CALN1: variants seen among roughly 807,000 people sequenced by gnomAD.
CALN1 encodes the protein calneuron 1, also known as calcium-binding protein 8.
In CALN1, 17 loss-of-function variants were observed where a neutral mutation model predicts 30.6. The observed-to-expected ratio is 0.56, with a 90% CI of 0.38 to 0.83. The LOEUF (loss-of-function observed/expected upper bound fraction) is 0.83, where lower values mean the gene tolerates loss of function less well. Among genes scored for constraint, CALN1 ranks in the 40% least tolerant of loss-of-function variants. The pLI is 0.00. For missense variants in CALN1, 291 were observed against 354.9 expected (o/e 0.82, Z 1.45); for synonymous variants, 156 against 131.4 (o/e 1.19, Z -1.28).
At chr7:72,123,447 C>T (rs1319232851) in intron 3 of CALN1, among the ~76,000 whole-genome samples, 2 of 152,174 alleles carry the variant, frequency 1.3e-5, no homozygotes, top group South Asian at 2.1e-4. Flanking sequence ...CAACCTTGTC[C>T]TTCCTGTCAT....
At chr7:72,344,559 T>C (rs1802528114) in intron 2 of CALN1, among the ~76,000 whole-genome samples, 1 of 147,570 alleles carries the variant, frequency 6.8e-6, no homozygotes, top group East Asian at 1.9e-4. Context: ...GATAAATATA[T>C]ATATATATTT....
intron 4 of CALN1, among the ~76,000 whole-genome samples, chr7:72,097,702 AT>A (rs374108880): frequency 0.25 from 36,743 of 149,818 alleles, 5,406 homozygotes; most frequent in East Asian, 0.69. Context: ...TTTTTTGACT[AT>A]TTTTTTTTCT....
chr7:72,126,059 A>T (rs1462499549), intron 3 of CALN1, among the ~76,000 whole-genome samples: 1 of 152,010 alleles, frequency 6.6e-6, no homozygotes, highest in African/African-American at 2.4e-5. Context: ...TCGGCCTCCC[A>T]AAGTGCTGGG....
intron 3 of CALN1, among the ~76,000 whole-genome samples, chr7:72,263,235 T>C (rs1405894607): frequency 1.3e-5 from 2 of 152,204 alleles, no homozygotes; most frequent in Non-Finnish European, 2.9e-5. Flanking sequence ...GGAACAATAA[T>C]AGGAATAGTA....
rs148648989 is a variant in CALN1 at position 71,848,127 on chromosome 7, G to A, written c.502-37635C>T. 3.9e-5 allele frequency among the ~76,000 whole-genome samples: 6 copies of A among 152,314 alleles called. No homozygotes were observed. The East Asian group carries it at 9.7e-4, about 25-fold the overall frequency. On this transcript the variant is annotated intron_variant, in intron 5 of 6. Transcript: ENST00000395275. Reference sequence around the variant, plus strand: ...ATTCACCATTGCAGAAGTGAAACTGGTTATAAGAAAGCACCCTGGGAGAAT... The same window carrying A: ...ATTCACCATTGCAGAAGTGAAACTGATTATAAGAAAGCACCCTGGGAGAAT...
chr7:71,812,969 G>T (rs1788052615), intron 5 of CALN1, among the ~76,000 whole-genome samples: 1 of 120,280 alleles, frequency 8.3e-6, no homozygotes, highest in South Asian at 2.6e-4. Context: ...TATTATTTGA[G>T]ATGGAGTCTT....
chr7:72,024,846 G>A (rs1489670579), intron 4 of CALN1, among the ~76,000 whole-genome samples: 1 of 152,158 alleles, frequency 6.6e-6, no homozygotes, highest in African/African-American at 2.4e-5. Context: ...CTATCCCTCT[G>A]TCCGGGATGC....
At chr7:72,020,833 G>C (rs1380363503) in intron 5 of CALN1, among the ~76,000 whole-genome samples, 1 of 152,154 alleles carries the variant, frequency 6.6e-6, no homozygotes, top group South Asian at 2.1e-4. Flanking sequence ...TGATGAACCT[G>C]GAAGACAGGA....
chr7:72,176,373 T>C (rs1337578312), intron 3 of CALN1, among the ~76,000 whole-genome samples: 1 of 152,174 alleles, frequency 6.6e-6, no homozygotes, highest in African/African-American at 2.4e-5. Context: ...TGGATGTTTG[T>C]CCCCTTCAAA....
intron 1 of CALN1, among the ~76,000 whole-genome samples, chr7:72,420,201 G>A (rs1807561279): frequency 1.3e-5 from 2 of 152,158 alleles, no homozygotes. Flanking sequence ...CCCTTGGGTT[G>A]TATGAAGACA....
At chr7:72,075,156 G>C (rs750663579) in intron 4 of CALN1, among the ~76,000 whole-genome samples, 2 of 152,196 alleles carry the variant, frequency 1.3e-5, no homozygotes, top group Non-Finnish European at 2.9e-5. Flanking sequence ...CTCTAAGTCA[G>C]GGGACGGTCA....
Position 71,999,943 on chromosome 7 carries a change from C to G in CALN1, c.501+23714G>C, listed in dbSNP as rs181471133. 3.8e-3 allele frequency among the ~76,000 whole-genome samples: 571 copies of G among 151,942 alleles called. 3 individuals carry two copies. The highest frequency in any genetic ancestry group is 0.013 in the African/African-American group (549 of 41,426). On this transcript the variant is annotated intron_variant, in intron 5 of 6. Transcript: ENST00000395275. ...GTTACCTGGCCATAATGAAATCAAACTAGAAACTAGCAACAGAAAGACACC... is the reference window on the plus strand; with the variant it reads ...GTTACCTGGCCATAATGAAATCAAAGTAGAAACTAGCAACAGAAAGACACC...
At chr7:71,819,014 C>A (rs1395406873) in intron 5 of CALN1, among the ~76,000 whole-genome samples, 2 of 151,664 alleles carry the variant, frequency 1.3e-5, no homozygotes, top group East Asian at 3.9e-4. Flanking sequence ...ACCCGACCAG[C>A]TTATTTTTAA....
At chr7:72,164,998 T>C (rs569933622) in intron 3 of CALN1, among the ~76,000 whole-genome samples, 2 of 152,258 alleles carry the variant, frequency 1.3e-5, no homozygotes, top group East Asian at 3.9e-4. Flanking sequence ...CCCAGCCAAG[T>C]ATATACTTTT....
chr7:71,811,330 C>A (rs376238539), intron 5 of CALN1, among the ~76,000 whole-genome samples: 1 of 152,162 alleles, frequency 6.6e-6, no homozygotes, highest in Admixed American at 6.5e-5. Context: ...GCCTCAGCCT[C>A]CCAAGTAGCT....
intron 5 of CALN1, among the ~76,000 whole-genome samples, chr7:71,881,471 T>C (rs1327174157): frequency 6.6e-6 from 1 of 152,196 alleles, no homozygotes; most frequent in African/African-American, 2.4e-5. Flanking sequence ...CACCTTCTCA[T>C]TGTCCCATCA....
In CALN1 at chr7:72,337,200, G is replaced by A. The variant is rs575231953; in HGVS notation, c.120-58390C>T. 11 of 985,148 alleles carry A rather than the reference G, an allele frequency of 1.1e-5. 1 individual carries two copies. The Admixed American group carries it at 4.3e-4, about 39-fold the overall frequency. The allele number at this position is 985,148 out of a possible 1,614,324, so 61.0% of individuals were successfully genotyped here. ...GCCTCCTCCCCAGCTCCTCCCCAGCGGATCCCCCAGGGCCTTGCCGCCGAC... is the reference window on the plus strand; with the variant it reads ...GCCTCCTCCCCAGCTCCTCCCCAGCAGATCCCCCAGGGCCTTGCCGCCGAC... On this transcript the variant is annotated intron_variant, in intron 2 of 6. Transcript: ENST00000395275.
intron 2 of CALN1, among the ~76,000 whole-genome samples, chr7:72,300,908 G>A (rs1416867785): frequency 5.9e-5 from 9 of 151,974 alleles, no homozygotes; most frequent in African/African-American, 1.5e-4. Flanking sequence ...CAGGAGAATC[G>A]TTTGAACCCC....
chr7:72,402,841 G>A (rs981720753), intron 2 of CALN1, among the ~76,000 whole-genome samples: 19 of 152,114 alleles, frequency 1.2e-4, no homozygotes, highest in African/African-American at 4.3e-4. Flanking sequence ...CAGTCAAGCT[G>A]CCTGTTTGTG....
Sources: allele counts gnomAD v4.1 joint callset (sites outside exome capture counted in the v4.1 genomes callset), GRCh38; gene constraint gnomAD v4.1.1; transcripts MANE v1.5; gene names NCBI Gene and HGNC (gene_info 2026-07-23, HGNC 2026-07-21).